SLC22A24: variants seen among roughly 807,000 people sequenced by gnomAD.
SLC22A24 encodes the protein steroid transmembrane transporter SLC22A24.
A neutral mutation model predicts 49.8 loss-of-function variants in SLC22A24; 53 were observed. The ratio of observed to expected loss-of-function variants is 1.06; its 90% confidence interval spans 0.85 to 1.34. The LOEUF (loss-of-function observed/expected upper bound fraction) is 1.34. Among genes scored for constraint, SLC22A24 ranks in the 40% most tolerant of loss-of-function variants. The probability of loss-of-function intolerance (pLI) is 0.00; values close to 1 mark genes in which losing one functional copy is unlikely to be tolerated. For missense variants in SLC22A24, 786 were observed against 675.9 expected (o/e 1.16, Z -1.81); for synonymous variants, 302 against 256.4 (o/e 1.18, Z -1.70).
intron 2 of SLC22A24, among the ~76,000 whole-genome samples, chr11:63,129,481 T>G (rs6591761): frequency 0.85 from 128,958 of 152,162 alleles, 54,835 homozygotes; most frequent in East Asian, 0.91. Context: ...TCCATGTGAA[T>G]TTTAAAGTAG....
intron 4 of SLC22A24, among the ~76,000 whole-genome samples, chr11:63,108,807 T>C (rs1343726491): frequency 6.6e-6 from 1 of 151,974 alleles, no homozygotes; most frequent in Non-Finnish European, 1.5e-5. Flanking sequence ...TTTGCATCTA[T>C]TTGATTCTTT....
intron 5 of SLC22A24, among the ~76,000 whole-genome samples, chr11:63,100,105 G>A (rs891773509): frequency 2.6e-5 from 4 of 152,178 alleles, no homozygotes; most frequent in Admixed American, 2.6e-4. Context: ...GATATAAATG[G>A]CATCCAAATT....
At chr11:63,098,470 G>A (rs1299344008) in intron 5 of SLC22A24, among the ~76,000 whole-genome samples, 1 of 152,066 alleles carries the variant, frequency 6.6e-6, no homozygotes, top group African/African-American at 2.4e-5. Context: ...GAGTGTAAGA[G>A]CAGCTTGGCC....
chr11:63,085,261 G>A (rs919136051), intron 6 of SLC22A24, among the ~76,000 whole-genome samples: 18 of 152,022 alleles, frequency 1.2e-4, no homozygotes, highest in African/African-American at 2.9e-4. Context: ...ATGTAGCAAC[G>A]TATAATGAAA....
At chr11:63,098,366 A>T (rs1159779863) in intron 5 of SLC22A24, among the ~76,000 whole-genome samples, 1 of 152,150 alleles carries the variant, frequency 6.6e-6, no homozygotes, top group African/African-American at 2.4e-5. Context: ...TACATCCAAA[A>T]TGTATAAAAA....
At chr11:63,086,866 T>C (rs1263681150) in intron 6 of SLC22A24, among the ~76,000 whole-genome samples, 1 of 152,194 alleles carries the variant, frequency 6.6e-6, no homozygotes, top group Non-Finnish European at 1.5e-5. Context: ...TCATAGTGTA[T>C]ACCTTAAACA....
chr11:63,135,590 C>T (rs556814217), intron 1 of SLC22A24, among the ~76,000 whole-genome samples: 1 of 152,306 alleles, frequency 6.6e-6, no homozygotes, highest in South Asian at 2.1e-4. Flanking sequence ...GGAATACATT[C>T]TTAAATAATG....
In SLC22A24 at chr11:63,110,065, T is replaced by C. The variant is rs374680981; in HGVS notation, c.831-5767A>G. Among the ~76,000 whole-genome samples, 257 of 152,256 alleles carry C rather than the reference T, an allele frequency of 1.7e-3. 6 individuals are homozygous for C. The highest frequency in any genetic ancestry group is 0.015 in the East Asian group (79 of 5,186). On this transcript the variant is annotated intron_variant, in intron 4 of 9. Transcript: ENST00000612278. ...GGATCCAGTTTCAGCTTTCTACATA[T>C]GGCTAGCCAGTTTTCCCAGCACCAT...
chr11:63,105,290 G>A (rs935899570), intron 4 of SLC22A24, among the ~76,000 whole-genome samples: 1 of 152,140 alleles, frequency 6.6e-6, no homozygotes, highest in African/African-American at 2.4e-5. Flanking sequence ...GGGATCCAGA[G>A]GACAGTGGCC....
Position 63,143,366 on chromosome 11 carries a change from G to A in SLC22A24, c.402+12C>T. 9 of 1,433,302 alleles carry A rather than the reference G, an allele frequency of 6.3e-6. No homozygotes were observed. The highest frequency in any genetic ancestry group is 2.7e-5 in the Admixed American group (1 of 37,604). The allele number at this position is 1,433,302 out of a possible 1,614,324, so 88.8% of individuals were successfully genotyped here. A position where few individuals can be genotyped will look rare whatever the true frequency, so the allele number is the denominator to read the frequency against. ...AATCATATAAACAGAAGATTTACAT[G>A]GGGCCTCTTACCTCAGTCACGATGG... On this transcript the variant is annotated intron_variant, in intron 1 of 9. Coordinates refer to ENST00000612278, the MANE Select transcript of SLC22A24 (RefSeq NM_001136506.2).
chr11:63,098,657 C>T (rs1436614546), intron 5 of SLC22A24, among the ~76,000 whole-genome samples: 3 of 151,376 alleles, frequency 2.0e-5, no homozygotes, highest in Non-Finnish European at 4.4e-5. Context: ...AGTGAGACTC[C>T]ATCTCAAAAA....
At chr11:63,119,381 C>A (rs1275614820) in intron 2 of SLC22A24, 46 bp from the exon 3 acceptor site, 1 of 1,461,808 alleles carries the variant, frequency 6.8e-7, no homozygotes, top group Non-Finnish European at 9.1e-7. Flanking sequence ...ACAAAAATAA[C>A]ACGTGGAAAA....
chr11:63,111,027 A>G (rs1253857237), intron 4 of SLC22A24, among the ~76,000 whole-genome samples: 1 of 152,132 alleles, frequency 6.6e-6, no homozygotes, highest in African/African-American at 2.4e-5. Flanking sequence ...CATCCCATCA[A>G]TACCTAATTT....
chr11:63,140,623 T>C (rs2087408979), intron 1 of SLC22A24, among the ~76,000 whole-genome samples: 1 of 152,194 alleles, frequency 6.6e-6, no homozygotes, highest in Admixed American at 6.5e-5. Context: ...CACTTCTATC[T>C]GATGTCCTAG....
chr11:63,096,560 G>C (rs1251477204), intron 5 of SLC22A24, among the ~76,000 whole-genome samples: 2 of 152,126 alleles, frequency 1.3e-5, no homozygotes, highest in South Asian at 2.1e-4. Context: ...TTATTCTCTA[G>C]ATATGCCAGT....
chr11:63,110,652 CTGT>C (rs1192530950), intron 4 of SLC22A24, among the ~76,000 whole-genome samples: 1 of 134,006 alleles, frequency 7.5e-6, no homozygotes, highest in Non-Finnish European at 1.6e-5. Flanking sequence ...CTCTGTTTGT[CTGT>C]TGTTGGTGTA....
At chr11:63,140,645 G>C (rs1345319209) in intron 1 of SLC22A24, among the ~76,000 whole-genome samples, 3 of 152,022 alleles carry the variant, frequency 2.0e-5, no homozygotes, top group Admixed American at 6.6e-5. Flanking sequence ...CTTCACCCCA[G>C]TACATAATTA....
Position 63,117,567 on chromosome 11 carries a change from C to CA in SLC22A24, c.830+1344dup, listed in dbSNP as rs375392561. On this transcript the variant is annotated intron_variant, in intron 4 of 9. Transcript: ENST00000612278. Reference sequence around the variant, plus strand: ...TTTGCCACCCCTGAGATGGCAAGACCAACTCCTCCTCTTCTTTCCTCTCCT... The same window carrying CA: ...TTTGCCACCCCTGAGATGGCAAGACCAAACTCCTCCTCTTCTTTCCTCTCCT... 2.6e-5 allele frequency among the ~76,000 whole-genome samples: 4 copies of CA among 152,230 alleles called. No individual in the cohort carries two copies. The East Asian group carries it at 7.7e-4, about 29-fold the overall frequency.
intron 6 of SLC22A24, among the ~76,000 whole-genome samples, chr11:63,084,063 C>G (rs1236665202): frequency 6.6e-6 from 1 of 152,074 alleles, no homozygotes; most frequent in Non-Finnish European, 1.5e-5. Flanking sequence ...ATCTTTTTAC[C>G]CTTCTTACCA....
Sources: allele counts gnomAD v4.1 joint callset (sites outside exome capture counted in the v4.1 genomes callset), GRCh38; gene constraint gnomAD v4.1.1; transcripts MANE v1.5; gene names NCBI Gene and HGNC (gene_info 2026-07-23, HGNC 2026-07-21).